Variants in STYX observed in about 807,000 individuals in gnomAD.
STYX encodes the protein serine/threonine/tyrosine-interacting protein.
A neutral mutation model predicts 42.7 loss-of-function variants in STYX; 20 were observed. That is an observed-to-expected ratio of 0.47 (90% CI 0.33 to 0.68). The LOEUF (loss-of-function observed/expected upper bound fraction) is 0.68, where lower values mean the gene tolerates loss of function less well. Ranked by LOEUF, STYX falls within the 30% of genes least tolerant of loss-of-function variation. The pLI, the probability that STYX is intolerant of heterozygous loss-of-function variation, is 0.02. For synonymous variants in STYX, 78 were observed against 81.9 expected (o/e 0.95, Z 0.26); for missense variants, 226 against 268.5 (o/e 0.84, Z 1.11).
In STYX at chr14:52,730,172, C is replaced by A; in HGVS notation, c.-303C>A. The A allele has an allele frequency of 2.3e-6, 1 of 439,234 alleles. No individual in the cohort carries two copies. The highest frequency in any genetic ancestry group is 4.8e-5 in the South Asian group (1 of 20,752). The allele number at this position is 439,234 out of a possible 1,614,324, so 27.2% of individuals were successfully genotyped here. A position where few individuals can be genotyped will look rare whatever the true frequency, so the allele number is the denominator to read the frequency against. On this transcript the variant is annotated 5_prime_UTR_variant, in exon 1 of 11. Transcript: ENST00000354586. ...GGGAAGGAGGCGGGGAGACGGTTGT[C>A]GGGCTGGTTCCTGTGCTGGATCCTG...
intron 4 of STYX, among the ~76,000 whole-genome samples, chr14:52,755,682 A>AG (rs1417911174): frequency 2.6e-5 from 3 of 115,270 alleles, no homozygotes; most frequent in African/African-American, 6.6e-5. Flanking sequence ...TCTCTCAGCT[A>AG]GTTTTTTTTT....
intron 1 of STYX, 85 bp from the exon 2 acceptor site, chr14:52,744,767 A>G (rs1881328699): frequency 1.6e-6 from 2 of 1,264,434 alleles, no homozygotes; most frequent in East Asian, 2.4e-5. Context: ...TAAAAAATCT[A>G]CATACTTGTG....
chr14:52,742,089 T>C (rs886526377), intron 1 of STYX, among the ~76,000 whole-genome samples: 1 of 152,164 alleles, frequency 6.6e-6, no homozygotes, highest in Non-Finnish European at 1.5e-5. Context: ...TTACATTAAA[T>C]TCTCACTTGG....
intron 10 of STYX, among the ~76,000 whole-genome samples, chr14:52,770,208 T>C (rs1246989144): frequency 6.6e-6 from 1 of 152,162 alleles, no homozygotes; most frequent in East Asian, 1.9e-4. Context: ...GGATATTTTA[T>C]CTCATTCAAT....
chr14:52,730,616 C>T, intron 1 of STYX, 85 bp downstream of exon 1: 2 of 1,492,120 alleles, frequency 1.3e-6, no homozygotes. Context: ...CCGTCTTAGC[C>T]GCCACCTGTA....
intron 9 of STYX, among the ~76,000 whole-genome samples, chr14:52,767,367 C>T (rs1482213813): frequency 6.6e-6 from 1 of 152,176 alleles, no homozygotes; most frequent in Non-Finnish European, 1.5e-5. Flanking sequence ...CATTCAATCC[C>T]ATAACTGCCA....
rs534080355 is a variant in STYX at position 52,755,805 on chromosome 14, C to T, written c.243-746C>T. Among the ~76,000 whole-genome samples, 71 of 150,728 alleles carry T rather than the reference C, an allele frequency of 4.7e-4. No homozygotes were observed. In the South Asian group the frequency reaches 0.01, roughly 22 times the overall value. ...GTTCGTTCTCTTAGACTTTGGACTT[C>T]CTCTGAAATGTCCTCTGTAGGTTCA... On this transcript the variant is annotated intron_variant, in intron 4 of 10. Transcript: ENST00000354586.
Position 52,771,326 on chromosome 14 carries a change from C to G in STYX, c.*220C>G, listed in dbSNP as rs569432653. 5.0e-5 allele frequency: 22 copies of G among 439,296 alleles called. 1 individual carries two copies. Among genetic ancestry groups the G allele is most frequent in the South Asian group, 3.6e-4 (8 of 21,984 alleles). The allele number at this position is 439,296 out of a possible 1,614,324, so 27.2% of individuals were successfully genotyped here. A position where few individuals can be genotyped will look rare whatever the true frequency, so the allele number is the denominator to read the frequency against. On this transcript the variant is annotated 3_prime_UTR_variant, in exon 11 of 11. Transcript: ENST00000354586. Reference sequence around the variant, plus strand: ...TTACTCCTTTTTTTAAAAACACATGCGCGCGCACACACACATGCTTTACAA... The same window carrying G: ...TTACTCCTTTTTTTAAAAACACATGGGCGCGCACACACACATGCTTTACAA...
At chr14:52,747,798 C>T (rs1881449776) in intron 3 of STYX, among the ~76,000 whole-genome samples, 1 of 152,174 alleles carries the variant, frequency 6.6e-6, no homozygotes, top group South Asian at 2.1e-4. Context: ...TCGAGACCAG[C>T]CTGGCCAACA....
intron 1 of STYX, among the ~76,000 whole-genome samples, chr14:52,743,490 A>G (rs1253678733): frequency 6.6e-6 from 1 of 152,032 alleles, no homozygotes; most frequent in Non-Finnish European, 1.5e-5. Context: ...CTGAGGCAGG[A>G]GAATGGTGTG....
At position 52,774,144 on chromosome 14, in the gene STYX, C is replaced by T. The variant is rs534938096; in HGVS notation, c.*3038C>T. The T allele has an allele frequency of 7.6e-4, 115 of 152,250 alleles. No homozygotes were observed. The Middle Eastern group carries it at 0.01, about 14-fold the overall frequency. The allele number at this position is 152,250 out of a possible 1,614,324, so 9.4% of individuals were successfully genotyped here. ...AAATGTTAAACCATGATAGCTTTTGCTACCAACTCAACCACTTAACTTTTA... is the reference window on the plus strand; with the variant it reads ...AAATGTTAAACCATGATAGCTTTTGTTACCAACTCAACCACTTAACTTTTA... On this transcript the variant is annotated 3_prime_UTR_variant, in exon 11 of 11. Transcript: ENST00000354586.
rs1178411931 is a variant in STYX at position 52,768,646 on chromosome 14, G to A, written c.505-194G>A. 4.6e-5 allele frequency among the ~76,000 whole-genome samples: 7 copies of A among 151,904 alleles called. No homozygotes were observed. The South Asian group carries it at 8.3e-4, about 18-fold the overall frequency. ...AGTACCCTAGCACAAACTATTAGCC[G>A]GGCTTGATTTATAGTTATCAGTAGT... On this transcript the variant is annotated intron_variant, in intron 9 of 10. Transcript: ENST00000354586.
Position 52,771,955 on chromosome 14 carries a change from CCTT to C in STYX, c.*850_*852del, listed in dbSNP as rs1475923096. 3 of 152,350 alleles carry C rather than the reference CCTT, an allele frequency of 2.0e-5. No homozygotes were observed. Among genetic ancestry groups the C allele is most frequent in the African/African-American group, 4.8e-5 (2 of 41,400 alleles). The allele number at this position is 152,350 out of a possible 1,614,324, so 9.4% of individuals were successfully genotyped here. A position where few individuals can be genotyped will look rare whatever the true frequency, so the allele number is the denominator to read the frequency against. On this transcript the variant is annotated 3_prime_UTR_variant, in exon 11 of 11. Coordinates refer to ENST00000354586, the MANE Select transcript of STYX (RefSeq NM_145251.4). ...TTTGTTCTTTTCAGAGTTGTCCAGC[CCTT>C]TTTTCCTTTGTCCAAAATGATTCTA...
chr14:52,734,758 A>C (rs1880877346), intron 1 of STYX, among the ~76,000 whole-genome samples: 1 of 152,226 alleles, frequency 6.6e-6, no homozygotes, highest in African/African-American at 2.4e-5. Context: ...GAATTTAAGA[A>C]AAAGAAGAAG....
intron 9 of STYX, among the ~76,000 whole-genome samples, chr14:52,761,873 T>C (rs1458588192): frequency 1.3e-5 from 2 of 149,982 alleles, no homozygotes; most frequent in Admixed American, 6.7e-5. Flanking sequence ...CGTGAAACCC[T>C]GTCTCTACTA....
intron 1 of STYX, among the ~76,000 whole-genome samples, chr14:52,741,403 T>C (rs1038403795): frequency 3.3e-5 from 5 of 151,998 alleles, no homozygotes; most frequent in East Asian, 1.9e-4. Flanking sequence ...ATTCTAATGG[T>C]AGGTAATGAT....
chr14:52,742,442 G>T lies in STYX; in HGVS notation c.58-2410G>T, dbSNP rs369235360. Reference sequence around the variant, plus strand: ...TAGAAGTCCCATACATTGCTGGTGGGAGTGTACAGTGGTTTTACAAAACTT... The same window carrying T: ...TAGAAGTCCCATACATTGCTGGTGGTAGTGTACAGTGGTTTTACAAAACTT... On this transcript the variant is annotated intron_variant, in intron 1 of 10. Transcript: ENST00000354586. Among the ~76,000 whole-genome samples, 5 of 152,218 alleles carry T rather than the reference G, an allele frequency of 3.3e-5. No individual in the cohort carries two copies. The East Asian group carries it at 9.7e-4, about 29-fold the overall frequency.
rs1882018942 is a variant in STYX, at chr14:52,759,752, C to G, written c.502C>G (p.Gln168Glu). 6.2e-7 allele frequency: 1 copy of G among 1,605,294 alleles called. No individual in the cohort carries two copies. Among genetic ancestry groups the G allele is most frequent in the Non-Finnish European group, 8.5e-7 (1 of 1,173,682 alleles). Residue 168 changes from glutamine (Q) to glutamate (E), a missense_variant and splice_region_variant, in exon 9 of 11, where the codon CAG becomes GAG. Physicochemically the swap from Gln to Glu is conservative, Grantham distance 29. Transcript: ENST00000354586. ...NPNAGFVHQL[Q>E]EYEAIYLAKL... ...TAATGCTGGATTTGTCCATCAACTTCAGGTAACTTTTCTTCCTCTTTAAGG... is the reference window on the plus strand; with the variant it reads ...TAATGCTGGATTTGTCCATCAACTTGAGGTAACTTTTCTTCCTCTTTAAGG...
intron 1 of STYX, among the ~76,000 whole-genome samples, chr14:52,733,416 C>A (rs1880813385): frequency 6.6e-6 from 1 of 152,020 alleles, no homozygotes; most frequent in Admixed American, 6.5e-5. Context: ...CTGAATGTCC[C>A]ATAATTCAAT....
Sources: allele counts gnomAD v4.1 joint callset (sites outside exome capture counted in the v4.1 genomes callset), GRCh38; gene constraint gnomAD v4.1.1; transcripts MANE v1.5; gene names NCBI Gene and HGNC (gene_info 2026-07-23, HGNC 2026-07-21).